Variants in ATL2 observed in about 807,000 individuals in gnomAD.
ATL2 encodes atlastin-2.
ATL2 carries 31 observed loss-of-function variants against 73.9 expected under a neutral mutation model. The observed-to-expected ratio is 0.42, with a 90% CI of 0.32 to 0.57. The LOEUF (loss-of-function observed/expected upper bound fraction) is 0.57, where lower values mean the gene tolerates loss of function less well. ATL2 is among the 20% of genes least tolerant of loss of function. The probability of loss-of-function intolerance (pLI) is 0.14; values close to 1 mark genes in which losing one functional copy is unlikely to be tolerated. For synonymous variants in ATL2, 291 were observed against 237.5 expected (o/e 1.23, Z -2.07); for missense variants, 738 against 702.6 (o/e 1.05, Z -0.57).
chr2:38,377,329 A>AGCCGGCGGGGTG, upstream of ATL2: 2 of 1,406,938 alleles, frequency 1.4e-6, no homozygotes, highest in East Asian at 2.8e-5. Flanking sequence ...ACCTCCCGGG[A>AGCCGGCGGGGTG]GCCGGCGGGG....
chr2:38,337,405 G>A (rs1180275524), intron 2 of ATL2, among the ~76,000 whole-genome samples: 1 of 134,912 alleles, frequency 7.4e-6, no homozygotes, highest in Non-Finnish European at 1.5e-5. Context: ...AGAATTGCTT[G>A]AACCCAGGAG....
chr2:38,365,299 T>C lies in ATL2; in HGVS notation c.118+11844A>G, dbSNP rs867323273. 1.1e-4 allele frequency among the ~76,000 whole-genome samples: 16 copies of C among 152,296 alleles called. 1 individual carries two copies. In the South Asian group the frequency reaches 2.9e-3, roughly 28 times the overall value. ...GCTTTAAGCCAATACTCTGGAAATTTAGACACTAAGTTCCATTCTGCCACA... is the reference window on the plus strand; with the variant it reads ...GCTTTAAGCCAATACTCTGGAAATTCAGACACTAAGTTCCATTCTGCCACA... On this transcript the variant is annotated intron_variant, in intron 1 of 12. Transcript: ENST00000378954.
At chr2:38,352,743 C>A (rs1196053977) in intron 1 of ATL2, among the ~76,000 whole-genome samples, 1 of 152,192 alleles carries the variant, frequency 6.6e-6, no homozygotes, top group African/African-American at 2.4e-5. Context: ...CAAGCTGAGA[C>A]ACTAGAATCG....
intron 2 of ATL2, among the ~76,000 whole-genome samples, chr2:38,336,432 C>T (rs1669360195): frequency 6.6e-6 from 1 of 152,120 alleles, no homozygotes; most frequent in Admixed American, 6.5e-5. Flanking sequence ...GCAAATACAG[C>T]AAGGATCCTT....
At chr2:38,344,320 T>C (rs1348164088) in intron 1 of ATL2, among the ~76,000 whole-genome samples, 1 of 152,076 alleles carries the variant, frequency 6.6e-6, no homozygotes, top group Non-Finnish European at 1.5e-5. Context: ...AAACATATAT[T>C]AAAATTGTTC....
At chr2:38,327,451 T>G (rs750180572) in intron 2 of ATL2, among the ~76,000 whole-genome samples, 6 of 138,612 alleles carry the variant, frequency 4.3e-5, no homozygotes, top group South Asian at 2.2e-4. Context: ...ACAGATATAT[T>G]AAGAGAGTAC....
intron 1 of ATL2, among the ~76,000 whole-genome samples, chr2:38,349,476 G>A (rs1346127629): frequency 7.5e-6 from 1 of 132,716 alleles, no homozygotes; most frequent in Non-Finnish European, 1.5e-5. Flanking sequence ...TGAACAATGA[G>A]AACACACGGA....
chr2:38,331,437 GAAA>G (rs34238912), intron 2 of ATL2, among the ~76,000 whole-genome samples: 23,083 of 79,956 alleles, frequency 0.29, 1,645 homozygotes, highest in South Asian at 0.42. Flanking sequence ...TCTGTCTCAA[GAAA>G]AAAAAAAAAA....
intron 1 of ATL2, among the ~76,000 whole-genome samples, chr2:38,344,020 T>C (rs1313608487): frequency 1.3e-5 from 2 of 152,194 alleles, no homozygotes; most frequent in Non-Finnish European, 2.9e-5. Context: ...GTCTCAAGTA[T>C]GTCTTTATTA....
chr2:38,323,155 G>A (rs1668415518), intron 2 of ATL2, among the ~76,000 whole-genome samples: 1 of 152,026 alleles, frequency 6.6e-6, no homozygotes, highest in African/African-American at 2.4e-5. Context: ...TATTTGCTGT[G>A]ATAATTTACT....
At chr2:38,361,375 AT>A (rs1382645115) in intron 1 of ATL2, among the ~76,000 whole-genome samples, 2 of 149,238 alleles carry the variant, frequency 1.3e-5, no homozygotes, top group African/African-American at 2.6e-5. Context: ...AAAAAAAAAA[AT>A]TTAAATTAAA....
At chr2:38,301,766 C>T (rs914634922) in intron 9 of ATL2, among the ~76,000 whole-genome samples, 1 of 152,206 alleles carries the variant, frequency 6.6e-6, no homozygotes, top group Non-Finnish European at 1.5e-5. Flanking sequence ...ACAAGGACTG[C>T]AATTCCTGGG....
intron 9 of ATL2, among the ~76,000 whole-genome samples, chr2:38,302,801 T>A (rs1236199167): frequency 6.6e-6 from 1 of 151,994 alleles, no homozygotes; most frequent in Non-Finnish European, 1.5e-5. Flanking sequence ...GTGACCAAGA[T>A]CACAACACCC....
intron 2 of ATL2, among the ~76,000 whole-genome samples, chr2:38,340,547 A>G (rs527871200): frequency 6.6e-6 from 1 of 152,220 alleles, no homozygotes; most frequent in East Asian, 1.9e-4. Flanking sequence ...ACTACTCACT[A>G]CTTTCATCAA....
chr2:38,328,440 T>C (rs1410075011), intron 2 of ATL2, among the ~76,000 whole-genome samples: 3 of 152,110 alleles, frequency 2.0e-5, no homozygotes, highest in Non-Finnish European at 4.4e-5. Context: ...AAATACACCT[T>C]TAAAAATTTT....
chr2:38,301,172 G>A (rs1489634687), intron 9 of ATL2, among the ~76,000 whole-genome samples: 2 of 152,072 alleles, frequency 1.3e-5, no homozygotes, highest in African/African-American at 2.4e-5. Context: ...GTTTCACCAC[G>A]TTGGCCAGGC....
chr2:38,347,479 AATCT>A (rs1351046382), intron 1 of ATL2, among the ~76,000 whole-genome samples: 36 of 152,274 alleles, frequency 2.4e-4, no homozygotes, highest in African/African-American at 7.9e-4. Flanking sequence ...CTGACCACTC[AATCT>A]AAATCACAGA....
At chr2:38,358,912 T>C (rs1218743727) in intron 1 of ATL2, among the ~76,000 whole-genome samples, 2 of 152,092 alleles carry the variant, frequency 1.3e-5, no homozygotes, top group African/African-American at 4.8e-5. Flanking sequence ...TAAATTTTTT[T>C]TGAAGGAAAA....
At chr2:38,349,098 T>C (rs1247520546) in intron 1 of ATL2, among the ~76,000 whole-genome samples, 4 of 151,478 alleles carry the variant, frequency 2.6e-5, no homozygotes, top group South Asian at 2.1e-4. Flanking sequence ...GTTCAACCAT[T>C]GTGGAAGTCA....
Sources: gnomAD v4.1 joint callset for allele counts (sites outside exome capture counted in the v4.1 genomes callset) on GRCh38, gnomAD v4.1.1 for gene constraint, MANE v1.5 for transcripts, NCBI Gene and HGNC (gene_info 2026-07-23, HGNC 2026-07-21) for gene names.